Variants in MAPK10 observed in about 807,000 individuals in gnomAD.
MAPK10 encodes the protein JNK3 alpha protein kinase.
MAPK10 carries 25 observed loss-of-function variants against 59.3 expected under a neutral mutation model. The ratio of observed to expected loss-of-function variants is 0.42; its 90% CI spans 0.31 to 0.59. MAPK10 has a LOEUF of 0.59. Ranked by LOEUF, MAPK10 falls within the 20% of genes least tolerant of loss-of-function variation. The pLI is 0.15. For missense variants in MAPK10, 351 were observed against 568.9 expected (o/e 0.62, Z 3.90); for synonymous variants, 190 against 200.5 (o/e 0.95, Z 0.44).
At chr4:86,188,504 A>C (rs2078829907) in intron 3 of MAPK10, among the ~76,000 whole-genome samples, 1 of 152,078 alleles carries the variant, frequency 6.6e-6, no homozygotes, top group African/African-American at 2.4e-5. Context: ...CCAGTGATGA[A>C]GAGCTTTTTT....
intron 2 of MAPK10, among the ~76,000 whole-genome samples, chr4:86,270,957 T>C (rs2094416534): frequency 6.6e-6 from 1 of 152,116 alleles, no homozygotes; most frequent in Non-Finnish European, 1.5e-5. Flanking sequence ...GGAAAAATTA[T>C]AAATAAAGCT....
In MAPK10 at chr4:86,013,921, T is replaced by C. The variant is rs1007299541; in HGVS notation, c.*3307A>G. 6.6e-6 allele frequency: 1 copy of C among 152,176 alleles called. No individual in the cohort carries two copies. Among genetic ancestry groups the C allele is most frequent in the Non-Finnish European group, 1.5e-5 (1 of 68,024 alleles). The allele number at this position is 152,176 out of a possible 1,614,324, so 9.4% of individuals were successfully genotyped here. On this transcript the variant is annotated 3_prime_UTR_variant, in exon 14 of 14. Transcript: ENST00000641462. ...AGAAGAAATTCCGTTGTAAGGCTAG[T>C]GTATTCCTATTTAAAATTGAACACG...
chr4:86,504,436 A>T (rs1026495662), intron 1 of MAPK10, among the ~76,000 whole-genome samples: 3 of 152,174 alleles, frequency 2.0e-5, no homozygotes, highest in African/African-American at 4.8e-5. Context: ...CTACCATATT[A>T]TACTATTACT....
intron 2 of MAPK10, among the ~76,000 whole-genome samples, chr4:86,333,338 T>C (rs2096200531): frequency 6.6e-6 from 1 of 152,114 alleles, no homozygotes; most frequent in Admixed American, 6.5e-5. Context: ...ATCAAATCCT[T>C]TCCATGCCTT....
intron 6 of MAPK10, 102 bp from the exon 7 acceptor site, chr4:86,102,134 C>T (rs1385847818): frequency 9.9e-7 from 1 of 1,011,288 alleles, no homozygotes; most frequent in African/African-American, 1.6e-5. Context: ...TTCTGAACTT[C>T]TTAGCTCTGC....
Position 86,095,317 on chromosome 4 carries a change from A to C in MAPK10, c.802+3207T>G, listed in dbSNP as rs1390060920. 5 of 151,846 alleles carry C rather than the reference A, an allele frequency of 3.3e-5. No individual in the cohort carries two copies. The East Asian group carries it at 9.6e-4, about 29-fold the overall frequency. The allele number at this position is 151,846 out of a possible 1,614,324, so 9.4% of individuals were successfully genotyped here. A position where few individuals can be genotyped will look rare whatever the true frequency, so the allele number is the denominator to read the frequency against. On this transcript the variant is annotated intron_variant, in intron 9 of 13. Transcript: ENST00000641462. ...CAGTCATCAATGACAATTTCATAAG[A>C]TTCTCTGATTTGTCAAGACATTTTA...
intron 8 of MAPK10, chr4:86,100,004 C>A (rs1207454047): frequency 1.3e-5 from 2 of 152,092 alleles, no homozygotes; most frequent in African/African-American, 4.8e-5. Context: ...CATTATCTGT[C>A]TTCTAATCTA....
At chr4:86,496,802 C>G (rs528482511) in intron 1 of MAPK10, among the ~76,000 whole-genome samples, 5 of 152,096 alleles carry the variant, frequency 3.3e-5, no homozygotes, top group East Asian at 1.9e-4. Context: ...ATTCCCCCCC[C>G]ACCCAACAAA....
rs1006909468 is a variant in MAPK10 at position 86,200,362 on chromosome 4, C to T, written c.-6-5955G>A. 7.9e-5 allele frequency among the ~76,000 whole-genome samples: 12 copies of T among 151,978 alleles called. No homozygotes were observed. In the South Asian group the frequency reaches 2.5e-3, roughly 31 times the overall value. ...CACCCTCCAAACAGTGTTCTAACTT[C>T]TTTCATTATAAATTAGTTATTCTCC... On this transcript the variant is annotated intron_variant, in intron 2 of 13. Coordinates refer to ENST00000641462, the MANE Select transcript of MAPK10 (RefSeq NM_138982.4).
rs528613052 is a variant in MAPK10 at position 86,288,106 on chromosome 4, A to C, written c.-7+66424T>G. On this transcript the variant is annotated intron_variant, in intron 2 of 13. Coordinates refer to ENST00000641462, the MANE Select transcript of MAPK10 (RefSeq NM_138982.4). ...TGCGAAAATAGCACCACCTCTCTGG[A>C]CCTCAGCTTCACCATGGGTAAAATA... is the stretch of plus-strand genomic sequence containing the variant. 1.3e-4 allele frequency among the ~76,000 whole-genome samples: 20 copies of C among 152,162 alleles called. No individual in the cohort carries two copies. The South Asian group carries it at 4.1e-3, about 32-fold the overall frequency.
At chr4:86,143,129 C>T (rs535306616) in intron 4 of MAPK10, among the ~76,000 whole-genome samples, 7 of 152,164 alleles carry the variant, frequency 4.6e-5, no homozygotes, top group Admixed American at 2.0e-4. Flanking sequence ...GGTGGCAGGA[C>T]GGAGTGAGTG....
intron 9 of MAPK10, among the ~76,000 whole-genome samples, chr4:86,070,305 T>A (rs945754441): frequency 6.6e-6 from 1 of 152,168 alleles, no homozygotes; most frequent in Non-Finnish European, 1.5e-5. Flanking sequence ...AATACAAACA[T>A]GAACAACTAT....
intron 2 of MAPK10, among the ~76,000 whole-genome samples, chr4:86,315,721 C>T (rs541536660): frequency 2.0e-5 from 3 of 152,144 alleles, no homozygotes; most frequent in African/African-American, 7.2e-5. Flanking sequence ...TACAGGGTTG[C>T]TTTCTAATGC....
intron 1 of MAPK10, among the ~76,000 whole-genome samples, chr4:86,528,486 T>G (rs1256176434): frequency 6.6e-6 from 1 of 152,204 alleles, no homozygotes; most frequent in Non-Finnish European, 1.5e-5. Context: ...ATAAAATATT[T>G]TAAGTCTACT....
chr4:86,194,068 G>A, intron 3 of MAPK10: 1 of 423,632 alleles, frequency 2.4e-6, no homozygotes, highest in Non-Finnish European at 4.3e-6. Context: ...CACCCTCTGT[G>A]GGCTGCACCC....
At chr4:86,455,293 C>T (rs1751133106), upstream of MAPK10, among the ~76,000 whole-genome samples, 1 of 152,114 alleles carries the variant, frequency 6.6e-6, no homozygotes, top group African/African-American at 2.4e-5. Flanking sequence ...CAACTCAATA[C>T]TAACATTGAA....
At chr4:86,497,293 A>G (rs1209728433) in intron 1 of MAPK10, among the ~76,000 whole-genome samples, 1 of 152,208 alleles carries the variant, frequency 6.6e-6, no homozygotes, top group Non-Finnish European at 1.5e-5. Context: ...TAAAAGCATC[A>G]AAGTCACACT....
intron 1 of MAPK10, among the ~76,000 whole-genome samples, chr4:86,506,898 C>G (rs1755780788): frequency 6.6e-6 from 1 of 152,002 alleles, no homozygotes; most frequent in Admixed American, 6.6e-5. Context: ...AAGTGGTAAG[C>G]CTCAAGGGGA....
chr4:86,364,881 G>A (rs1737583613), upstream of MAPK10, among the ~76,000 whole-genome samples: 1 of 152,112 alleles, frequency 6.6e-6, no homozygotes, highest in South Asian at 2.1e-4. Context: ...TTGGGAGGCT[G>A]AGGTAGAAGG....
Sources: allele counts gnomAD v4.1 joint callset (sites outside exome capture counted in the v4.1 genomes callset), GRCh38; gene constraint gnomAD v4.1.1; transcripts MANE v1.5; gene names NCBI Gene and HGNC (gene_info 2026-07-23, HGNC 2026-07-21).